The following ADAMTS19 variants were observed in gnomAD, a reference collection of about 807,000 sequenced individuals.
ADAMTS19 encodes A disintegrin and metalloproteinase with thrombospondin motifs 19.
Under a neutral mutation model 153.3 loss-of-function variants are expected in ADAMTS19, and 93 were observed. The observed-to-expected ratio is 0.61, with a 90% CI of 0.51 to 0.72. ADAMTS19 has a LOEUF of 0.72. ADAMTS19 is among the 30% of genes least tolerant of loss of function. ADAMTS19 has a pLI of 0.00. For missense variants in ADAMTS19, 1,482 were observed against 1,552.1 expected (o/e 0.95, Z 0.76); for synonymous variants, 600 against 556.6 (o/e 1.08, Z -1.10).
chr5:129,531,644 C>CA (rs946669257), intron 6 of ADAMTS19, among the ~76,000 whole-genome samples: 74 of 151,856 alleles, frequency 4.9e-4, no homozygotes, highest in African/African-American at 1.6e-3. Context: ...AACAAACAAA[C>CA]AAAAAAACCC....
chr5:129,655,074 T>C (rs946425061), intron 14 of ADAMTS19, among the ~76,000 whole-genome samples: 1 of 152,188 alleles, frequency 6.6e-6, no homozygotes, highest in Admixed American at 6.5e-5. Flanking sequence ...TGCCACTGTC[T>C]CAAGTTGACA....
intron 4 of ADAMTS19, 129 bp downstream of exon 4, chr5:129,526,585 A>G (rs1752016834): frequency 1.2e-6 from 1 of 868,084 alleles, no homozygotes; most frequent in Non-Finnish European, 1.7e-6. Flanking sequence ...TCATCAGTAA[A>G]AAAATACTTA....
Position 129,466,806 on chromosome 5 carries a change from G to C in ADAMTS19, c.747+5049G>C, listed in dbSNP as rs572606074. On this transcript the variant is annotated intron_variant, in intron 2 of 22. Coordinates refer to ENST00000274487, the MANE Select transcript of ADAMTS19 (RefSeq NM_133638.6). ...GAGGCCAGATATTACTTCTTTGAGG[G>C]TAGAGGGTAGATGAGATAAGTGGTG... 5.9e-5 allele frequency among the ~76,000 whole-genome samples: 9 copies of C among 152,298 alleles called. No individual in the cohort carries two copies. In the South Asian group the frequency reaches 1.9e-3, roughly 32 times the overall value.
intron 16 of ADAMTS19, among the ~76,000 whole-genome samples, chr5:129,673,441 A>C (rs1201893029): frequency 6.6e-6 from 1 of 152,112 alleles, no homozygotes; most frequent in African/African-American, 2.4e-5. Context: ...TTTAATTTCC[A>C]AATTTTTTTA....
In ADAMTS19 at chr5:129,715,761, A is replaced by G. The variant is rs139408445; in HGVS notation, c.3312+11370A>G. 2.8e-3 allele frequency among the ~76,000 whole-genome samples: 426 copies of G among 152,324 alleles called. 2 individuals are homozygous for G. The highest frequency in any genetic ancestry group is 8.7e-3 in the African/African-American group (361 of 41,584). On this transcript the variant is annotated intron_variant, in intron 21 of 22. Transcript: ENST00000274487. ...AAGATTGTGAATTCTATTTTGGACT[A>G]TGTTTCAATGTGCTCATCAGATAGT...
chr5:129,518,458 T>C (rs1240003325), intron 3 of ADAMTS19, among the ~76,000 whole-genome samples: 1 of 152,170 alleles, frequency 6.6e-6, no homozygotes, highest in Non-Finnish European at 1.5e-5. Context: ...GAAGGGTATT[T>C]TTGCCAGATA....
chr5:129,563,335 A>T (rs1423375397), intron 7 of ADAMTS19, among the ~76,000 whole-genome samples: 1 of 152,112 alleles, frequency 6.6e-6, no homozygotes, highest in East Asian at 1.9e-4. Context: ...TATTGTTTGT[A>T]CTGAAAAGCC....
intron 19 of ADAMTS19, among the ~76,000 whole-genome samples, chr5:129,696,457 C>A (rs1581235985): frequency 6.6e-6 from 1 of 152,120 alleles, no homozygotes; most frequent in African/African-American, 2.4e-5. Context: ...GTTTGAATTT[C>A]AAGGCTTGCT....
intron 8 of ADAMTS19, among the ~76,000 whole-genome samples, chr5:129,603,790 A>T (rs1750771829): frequency 6.6e-6 from 1 of 152,170 alleles, no homozygotes; most frequent in African/African-American, 2.4e-5. Flanking sequence ...TTTAGAGATG[A>T]TGATTGCCAA....
rs1753418737 is a variant in ADAMTS19, at chr5:129,653,743, C to A, written c.2177-563C>A. On this transcript the variant is annotated intron_variant, in intron 13 of 22. Transcript: ENST00000274487. ...TACAAATGCAATTCTTACTACAATC[C>A]TAGTAACAGAAAATTTCATGAGAAT... 2.0e-5 allele frequency among the ~76,000 whole-genome samples: 3 copies of A among 152,100 alleles called. No individual in the cohort carries two copies. In the South Asian group the frequency reaches 6.2e-4, roughly 32 times the overall value.
chr5:129,682,766 C>T (rs926754623), intron 17 of ADAMTS19, among the ~76,000 whole-genome samples: 12 of 152,152 alleles, frequency 7.9e-5, no homozygotes, highest in Admixed American at 3.3e-4. Flanking sequence ...GTATGTGTTA[C>T]GCATTTGTGA....
At chr5:129,642,213 T>C (rs769109734) in intron 11 of ADAMTS19, among the ~76,000 whole-genome samples, 1 of 151,992 alleles carries the variant, frequency 6.6e-6, no homozygotes, top group Admixed American at 6.6e-5. Flanking sequence ...GAGAGTCATA[T>C]ATATGCATTA....
intron 2 of ADAMTS19, among the ~76,000 whole-genome samples, chr5:129,503,376 C>T (rs1033130044): frequency 6.6e-6 from 1 of 152,110 alleles, no homozygotes; most frequent in Non-Finnish European, 1.5e-5. Context: ...TGACAAATCA[C>T]TCCCATTTAC....
At chr5:129,622,114 A>T (rs554277461) in intron 9 of ADAMTS19, 84 bp from the exon 10 acceptor site, 9 of 1,348,850 alleles carry the variant, frequency 6.7e-6, no homozygotes, top group Non-Finnish European at 9.4e-6. Context: ...TGATATTATT[A>T]AAGTGTTTCT....
intron 7 of ADAMTS19, among the ~76,000 whole-genome samples, chr5:129,594,640 A>G (rs1055661296): frequency 1.3e-5 from 2 of 152,040 alleles, no homozygotes; most frequent in African/African-American, 4.8e-5. Context: ...TTATCTCAAA[A>G]TCTTCGTTTT....
intron 10 of ADAMTS19, among the ~76,000 whole-genome samples, chr5:129,638,415 C>A (rs189709734): frequency 7.5e-4 from 114 of 151,936 alleles, no homozygotes; most frequent in Middle Eastern, 3.4e-3. Context: ...ATCTTTTATG[C>A]CCTCATTTGT....
intron 2 of ADAMTS19, among the ~76,000 whole-genome samples, chr5:129,497,339 A>G (rs1325427956): frequency 6.6e-6 from 1 of 151,886 alleles, no homozygotes; most frequent in Non-Finnish European, 1.5e-5. Context: ...GATTGATCTT[A>G]GGCCCTGTTC....
intron 21 of ADAMTS19, among the ~76,000 whole-genome samples, chr5:129,712,134 T>C (rs534787544): frequency 6.6e-6 from 1 of 152,184 alleles, no homozygotes; most frequent in Admixed American, 6.5e-5. Flanking sequence ...GCAAATATAC[T>C]GATGTTTGGA....
At chr5:129,585,977 C>G (rs2126896240) in intron 7 of ADAMTS19, among the ~76,000 whole-genome samples, 1 of 152,016 alleles carries the variant, frequency 6.6e-6, no homozygotes, top group African/African-American at 2.4e-5. Context: ...TTGTTTGATT[C>G]TGCTTGTTGC....
Sources: allele counts gnomAD v4.1 joint callset (sites outside exome capture counted in the v4.1 genomes callset), GRCh38; gene constraint gnomAD v4.1.1; transcripts MANE v1.5; gene names NCBI Gene and HGNC (gene_info 2026-07-23, HGNC 2026-07-21).